UNC5C: variants seen among roughly 807,000 people sequenced by gnomAD.
The protein encoded by UNC5C is unc-5 netrin receptor C.
Under a neutral mutation model 99.8 loss-of-function variants are expected in UNC5C, and 47 were observed. That is an observed-to-expected ratio of 0.47 (90% confidence interval 0.37 to 0.60). The LOEUF is 0.60. Among genes scored for constraint, UNC5C ranks in the 20% least tolerant of loss-of-function variants. UNC5C has a pLI of 0.00. For missense variants in UNC5C, 1,062 were observed against 1,165.9 expected, an observed-to-expected ratio of 0.91 and a Z score of 1.30; for synonymous variants, 487 against 452.2, an observed-to-expected ratio of 1.08 and a Z score of -0.98.
At chr4:95,193,766 G>A (rs963559762) in intron 12 of UNC5C, among the ~76,000 whole-genome samples, 11 of 152,232 alleles carry the variant, frequency 7.2e-5, no homozygotes, top group African/African-American at 2.4e-4. Context: ...TTTCGGCGAC[G>A]CTGCTGTCAG....
chr4:95,224,673 G>C (rs892410654), intron 7 of UNC5C, among the ~76,000 whole-genome samples: 1 of 151,904 alleles, frequency 6.6e-6, no homozygotes, highest in African/African-American at 2.4e-5. Flanking sequence ...ATTATATTCT[G>C]GGTTCTGTTG....
chr4:95,197,093 ATATT>A (rs1268858095), intron 12 of UNC5C, among the ~76,000 whole-genome samples: 97 of 116,074 alleles, frequency 8.4e-4, no homozygotes, highest in Middle Eastern at 4.3e-3. Context: ...GTAATATATA[ATATT>A]TATATATTAT....
intron 1 of UNC5C, among the ~76,000 whole-genome samples, chr4:95,356,193 CA>C (rs59097041): frequency 0.3 from 17,515 of 58,126 alleles, 2,050 homozygotes; most frequent in East Asian, 0.73. Context: ...GACCCTGTAG[CA>C]AAAAAAAAAA....
intron 1 of UNC5C, among the ~76,000 whole-genome samples, chr4:95,446,664 A>C (rs1181502531): frequency 6.6e-6 from 1 of 152,228 alleles, no homozygotes; most frequent in Non-Finnish European, 1.5e-5. Context: ...ACTGGCACAC[A>C]ACAGTAAATA....
chr4:95,246,640 A>T (rs570926259), intron 5 of UNC5C, among the ~76,000 whole-genome samples: 140 of 151,826 alleles, frequency 9.2e-4, no homozygotes, highest in Non-Finnish European at 1.4e-3. Context: ...CATAATGTAT[A>T]TGTATATAAT....
At chr4:95,293,767 CT>C (rs1235111787) in intron 3 of UNC5C, among the ~76,000 whole-genome samples, 8 of 152,124 alleles carry the variant, frequency 5.3e-5, no homozygotes, top group Non-Finnish European at 8.8e-5. Flanking sequence ...CATATACCAC[CT>C]GTATAACCTC....
At chr4:95,410,335 A>C (rs1745944345) in intron 1 of UNC5C, among the ~76,000 whole-genome samples, 1 of 152,204 alleles carries the variant, frequency 6.6e-6, no homozygotes, top group Non-Finnish European at 1.5e-5. Flanking sequence ...AGTCTCATTA[A>C]TGAAAAGAAA....
intron 2 of UNC5C, among the ~76,000 whole-genome samples, chr4:95,316,248 T>A (rs1380867275): frequency 6.6e-6 from 1 of 152,194 alleles, no homozygotes; most frequent in Non-Finnish European, 1.5e-5. Context: ...AATGGGTACA[T>A]GATAGATCAA....
At chr4:95,255,017 G>T (rs553356224) in intron 4 of UNC5C, among the ~76,000 whole-genome samples, 3 of 150,918 alleles carry the variant, frequency 2.0e-5, no homozygotes, top group South Asian at 4.2e-4. Flanking sequence ...TTAAGACAAA[G>T]TCTCACCGTG....
intron 14 of UNC5C, among the ~76,000 whole-genome samples, chr4:95,181,432 T>A (rs1049330691): frequency 5.3e-5 from 8 of 152,186 alleles, no homozygotes; most frequent in African/African-American, 1.7e-4. Context: ...ACGCAGCCAA[T>A]GTTCATGTGG....
At chr4:95,448,753 A>G (rs923069723) in intron 1 of UNC5C, among the ~76,000 whole-genome samples, 2 of 152,196 alleles carry the variant, frequency 1.3e-5, no homozygotes, top group Admixed American at 6.5e-5. Context: ...TGGGAAATAC[A>G]TTTTTACACA....
chr4:95,316,628 T>C (rs924756713), intron 2 of UNC5C, among the ~76,000 whole-genome samples: 35 of 152,268 alleles, frequency 2.3e-4, no homozygotes, highest in African/African-American at 8.4e-4. Flanking sequence ...TATCAAAAAA[T>C]GAGAAGAATA....
chr4:95,482,363 G>C (rs1281099065), intron 1 of UNC5C, among the ~76,000 whole-genome samples: 4 of 152,014 alleles, frequency 2.6e-5, no homozygotes, highest in Non-Finnish European at 4.4e-5. Flanking sequence ...GAAACAACAG[G>C]TGCTGGAGAG....
At chr4:95,461,681 G>A (rs1747605025) in intron 1 of UNC5C, among the ~76,000 whole-genome samples, 2 of 152,100 alleles carry the variant, frequency 1.3e-5, no homozygotes, top group African/African-American at 4.8e-5. Context: ...CCTGGGCTTG[G>A]GGCTTTAATT....
intron 1 of UNC5C, among the ~76,000 whole-genome samples, chr4:95,346,258 A>G (rs907769548): frequency 6.6e-6 from 1 of 152,030 alleles, no homozygotes; most frequent in Non-Finnish European, 1.5e-5. Flanking sequence ...CGAACAGACC[A>G]TTAACAAGTA....
intron 5 of UNC5C, chr4:95,248,521 G>T: frequency 2.2e-6 from 1 of 455,860 alleles, no homozygotes; most frequent in Non-Finnish European, 4.4e-6. Flanking sequence ...CTTTCCTTCT[G>T]GTATAGGGAA....
intron 1 of UNC5C, among the ~76,000 whole-genome samples, chr4:95,373,872 G>A (rs1744816115): frequency 1.3e-5 from 2 of 152,236 alleles, no homozygotes; most frequent in East Asian, 1.9e-4. Flanking sequence ...ATCTTAGTTT[G>A]TTAAGCCATT....
chr4:95,456,169 A>G (rs886410508), intron 1 of UNC5C, among the ~76,000 whole-genome samples: 2 of 152,150 alleles, frequency 1.3e-5, no homozygotes, highest in African/African-American at 4.8e-5. Context: ...TTATAAGGCA[A>G]TGAAAGCCTT....
intron 1 of UNC5C, among the ~76,000 whole-genome samples, chr4:95,402,650 C>T (rs1379096132): frequency 6.6e-6 from 1 of 152,138 alleles, no homozygotes; most frequent in East Asian, 1.9e-4. Context: ...GCTATAGCAA[C>T]CCTCTATCAC....
Sources: gnomAD v4.1 joint callset for allele counts (sites outside exome capture counted in the v4.1 genomes callset) on GRCh38, gnomAD v4.1.1 for gene constraint, MANE v1.5 for transcripts, NCBI Gene and HGNC (gene_info 2026-07-23, HGNC 2026-07-21) for gene names.